The following ABLIM2 variants were observed in gnomAD, a reference collection of about 807,000 sequenced individuals.
ABLIM2 encodes the protein actin binding LIM protein family member 2, also known as actin-binding LIM protein 2.
ABLIM2 carries 53 observed loss-of-function variants against 97.7 expected under a neutral mutation model. That is an observed-to-expected ratio of 0.54 (90% CI 0.44 to 0.68). The LOEUF (loss-of-function observed/expected upper bound fraction) is 0.68. ABLIM2 is among the 30% of genes least tolerant of loss of function. The probability of loss-of-function intolerance (pLI) is 0.00; values close to 1 mark genes in which losing one functional copy is unlikely to be tolerated. For missense variants in ABLIM2, 835 were observed against 867.2 expected, an observed-to-expected ratio of 0.96 and a Z score of 0.47; for synonymous variants, 361 against 345.8, an observed-to-expected ratio of 1.04 and a Z score of -0.49.
chr4:8,129,063 C>T (rs1352048674), intron 1 of ABLIM2, among the ~76,000 whole-genome samples: 1 of 151,908 alleles, frequency 6.6e-6, no homozygotes, highest in Non-Finnish European at 1.5e-5. Flanking sequence ...CCAGCACCCC[C>T]ATAGGTTGTG....
intron 8 of ABLIM2, among the ~76,000 whole-genome samples, chr4:8,045,442 A>G (rs1791687489): frequency 6.6e-6 from 1 of 152,222 alleles, no homozygotes; most frequent in African/African-American, 2.4e-5. Flanking sequence ...CGAGGTCAGG[A>G]GTTCGAGATC....
chr4:8,158,572 G>T, intron 1 of ABLIM2, 108 bp downstream of exon 1: 1 of 1,349,976 alleles, frequency 7.4e-7, no homozygotes, highest in Non-Finnish European at 1.0e-6. Flanking sequence ...TGGAGCCGCT[G>T]GGTGATTTTC....
chr4:8,102,400 C>T (rs1835108371), intron 2 of ABLIM2, among the ~76,000 whole-genome samples: 1 of 152,200 alleles, frequency 6.6e-6, no homozygotes, highest in African/African-American at 2.4e-5. Context: ...ATGAAATTTG[C>T]TTATTTATTC....
At chr4:7,979,990 A>C (rs2149584091) in intron 20 of ABLIM2, among the ~76,000 whole-genome samples, 1 of 152,354 alleles carries the variant, frequency 6.6e-6, no homozygotes, top group Admixed American at 6.5e-5. Flanking sequence ...CAGAAAAAGC[A>C]CAGTCAAAAG....
intron 7 of ABLIM2, among the ~76,000 whole-genome samples, chr4:8,059,124 C>G (rs1452688972): frequency 6.6e-6 from 1 of 151,914 alleles, no homozygotes; most frequent in Admixed American, 6.6e-5. Flanking sequence ...AGGGAGTGCT[C>G]AGGGAATGAA....
In ABLIM2 at chr4:8,085,627, T is replaced by C. The variant is rs568355340; in HGVS notation, c.454+2542A>G. On this transcript the variant is annotated intron_variant, in intron 4 of 20. Coordinates refer to ENST00000447017, the MANE Select transcript of ABLIM2 (RefSeq NM_001130083.2). The surrounding 1 kb of genome is among the most constrained non-coding windows in gnomAD (Gnocchi z 6.1). The stretch of plus-strand genomic sequence containing the variant: ...CTGGGGGGTGCCCACGCTGCAGCCC[T>C]GTCCACTCACGCAGGTCTGGGGGTG... Among the ~76,000 whole-genome samples, 42 of 124,272 alleles carry C rather than the reference T, an allele frequency of 3.4e-4. No homozygotes were observed. Among genetic ancestry groups the C allele is most frequent in the African/African-American group, 1.1e-3 (35 of 31,636 alleles). 81.5% of individuals were successfully genotyped at this position (124,272 alleles called of 152,430 possible). A position where few individuals can be genotyped will look rare whatever the true frequency, so the allele number is the denominator to read the frequency against.
At chr4:7,987,624 C>T (rs2149801398) in intron 17 of ABLIM2, among the ~76,000 whole-genome samples, 1 of 152,288 alleles carries the variant, frequency 6.6e-6, no homozygotes, top group African/African-American at 2.4e-5. Context: ...CGCAGGGCAC[C>T]ACCTTCACCT....
rs1390618396 is a variant in ABLIM2, at chr4:7,970,504, G to A, written c.1825-3401C>T. ...GAGGGAGCGGATGGTGGGCAGGCGTGCCCCGCATGCTGGGGAAGGAGAGAA... is the reference window on the plus strand; with the variant it reads ...GAGGGAGCGGATGGTGGGCAGGCGTACCCCGCATGCTGGGGAAGGAGAGAA... On this transcript the variant is annotated intron_variant, in intron 20 of 20. Transcript: ENST00000447017. This position sits in a 1 kb window ranked among gnomAD's most constrained non-coding sequence, Gnocchi z 5.3. Among the ~76,000 whole-genome samples the A allele has an allele frequency of 6.6e-6, 1 of 151,848 alleles. No individual in the cohort carries two copies. The highest frequency in any genetic ancestry group is 6.6e-5 in the Admixed American group (1 of 15,242).
At chr4:8,154,098 G>A (rs1040797027) in intron 1 of ABLIM2, among the ~76,000 whole-genome samples, 1 of 151,464 alleles carries the variant, frequency 6.6e-6, no homozygotes, top group African/African-American at 2.4e-5. Flanking sequence ...GAGTAGCTGG[G>A]TCTACAGGCA....
intron 1 of ABLIM2, among the ~76,000 whole-genome samples, chr4:8,108,555 A>G (rs1003089320): frequency 6.6e-6 from 1 of 152,232 alleles, no homozygotes; most frequent in Non-Finnish European, 1.5e-5. Flanking sequence ...TCGGTCCCAC[A>G]TGGCCAGGAC....
chr4:8,075,687 C>T lies in ABLIM2; in HGVS notation c.675+1941G>A, dbSNP rs1309154176. On this transcript the variant is annotated intron_variant, in intron 6 of 20. Coordinates refer to ENST00000447017, the MANE Select transcript of ABLIM2 (RefSeq NM_001130083.2). The surrounding 1 kb of genome is among the most constrained non-coding windows in gnomAD (Gnocchi z 4.4). ...AGCCTGGGCAACTGAGTGAGAACCT[C>T]TCCAAAAAAAGAAAAAAAAGAAAAC... Among the ~76,000 whole-genome samples, 3 of 151,840 alleles carry T rather than the reference C, an allele frequency of 2.0e-5. No homozygotes were observed. The highest frequency in any genetic ancestry group is 4.4e-5 in the Non-Finnish European group (3 of 67,976).
intron 2 of ABLIM2, among the ~76,000 whole-genome samples, chr4:8,100,736 A>AC (rs1414072248): frequency 7.1e-6 from 1 of 141,518 alleles, no homozygotes; most frequent in Non-Finnish European, 1.5e-5. Flanking sequence ...ACAAGAATGA[A>AC]ACTCCATCTC....
intron 1 of ABLIM2, among the ~76,000 whole-genome samples, chr4:8,137,629 G>A (rs1346720105): frequency 6.6e-6 from 1 of 152,232 alleles, no homozygotes; most frequent in Non-Finnish European, 1.5e-5. Flanking sequence ...CAGCCACGTC[G>A]CAGCCCCTCA....
intron 8 of ABLIM2, among the ~76,000 whole-genome samples, chr4:8,052,476 G>C (rs1217084506): frequency 6.6e-6 from 1 of 152,216 alleles, no homozygotes; most frequent in South Asian, 2.1e-4. Context: ...TAGCTGCTGC[G>C]ATCCTGGCCA....
intron 2 of ABLIM2, among the ~76,000 whole-genome samples, chr4:8,103,069 C>T (rs900616723): frequency 3.3e-5 from 5 of 152,246 alleles, no homozygotes; most frequent in African/African-American, 1.2e-4. Context: ...TGAGGAGAGG[C>T]ACTGCTGACA....
In ABLIM2 at chr4:8,069,095, C is replaced by T. The variant is rs1020398424; in HGVS notation, c.676-8041G>A. Among the ~76,000 whole-genome samples the T allele has an allele frequency of 2.0e-5, 3 of 152,346 alleles. No homozygotes were observed. The highest frequency in any genetic ancestry group is 3.4e-3 in the Middle Eastern group (1 of 294). ...GAACACAGCTCCTCTTGGCCCCAGG[C>T]CTGTCTAGCACACTCACTCCTGGCC... On this transcript the variant is annotated intron_variant, in intron 6 of 20. Coordinates refer to ENST00000447017, the MANE Select transcript of ABLIM2 (RefSeq NM_001130083.2). The surrounding 1 kb of genome is among the most constrained non-coding windows in gnomAD (Gnocchi z 4.2).
At chr4:8,080,862 C>T in intron 4 of ABLIM2, 60 bp from the exon 5 acceptor site, 1 of 1,541,462 alleles carries the variant, frequency 6.5e-7, no homozygotes, top group African/African-American at 1.4e-5. Flanking sequence ...TTGGGGAGGC[C>T]TCCTGCTCTC....
chr4:8,066,287 C>CAG (rs1486100517), intron 6 of ABLIM2, among the ~76,000 whole-genome samples: 1 of 125,768 alleles, frequency 8.0e-6, no homozygotes, highest in African/African-American at 3.0e-5. Context: ...GCCTGGGCAA[C>CAG]AGAGAGAGAC....
chr4:8,013,212 A>G (rs1391873395), intron 14 of ABLIM2, among the ~76,000 whole-genome samples: 5 of 125,784 alleles, frequency 4.0e-5, no homozygotes, highest in African/African-American at 1.5e-4. Flanking sequence ...CTGGATAAAC[A>G]TTTTTCCTTT....
Sources: allele counts gnomAD v4.1 joint callset (sites outside exome capture counted in the v4.1 genomes callset), GRCh38; gene constraint gnomAD v4.1.1; non-coding constraint Gnocchi (gnomAD v3.1); transcripts MANE v1.5; gene names NCBI Gene and HGNC (gene_info 2026-07-23, HGNC 2026-07-21).